The following DOP1B variants were observed in gnomAD, a reference collection of about 807,000 sequenced individuals.
DOP1B encodes protein DOP1B.
Under a neutral mutation model 233.5 loss-of-function variants are expected in DOP1B, and 174 were observed. The observed-to-expected ratio is 0.75, with a 90% CI of 0.66 to 0.85. DOP1B has a LOEUF of 0.85. Ranked by LOEUF, DOP1B falls within the 40% of genes least tolerant of loss-of-function variation. The pLI is 0.00. For missense variants in DOP1B, 2,652 were observed against 2,846.6 expected, an observed-to-expected ratio of 0.93 and a Z score of 1.56; for synonymous variants, 1,190 against 1,185.6, an observed-to-expected ratio of 1.00 and a Z score of -0.08.
intron 35 of DOP1B, among the ~76,000 whole-genome samples, chr21:36,291,618 A>G (rs2067560782): frequency 6.6e-6 from 1 of 152,196 alleles, no homozygotes. Flanking sequence ...TATTTATAAT[A>G]GGCAAGAAGT....
intron 1 of DOP1B, among the ~76,000 whole-genome samples, chr21:36,161,417 A>G (rs2065868451): frequency 6.6e-6 from 1 of 152,112 alleles, no homozygotes; most frequent in Non-Finnish European, 1.5e-5. Flanking sequence ...GATTATAGGC[A>G]TGGGCCACTG....
At chr21:36,199,553 AT>A (rs2066335343) in intron 3 of DOP1B, among the ~76,000 whole-genome samples, 1 of 151,908 alleles carries the variant, frequency 6.6e-6, no homozygotes, top group South Asian at 2.1e-4. Context: ...CGTCATTTAC[AT>A]TAGGTGTATC....
In DOP1B at chr21:36,245,461, C is replaced by T. The variant is rs137971169; in HGVS notation, c.3481C>T (p.Leu1161=). 2,088 of 1,613,916 alleles carry T rather than the reference C, an allele frequency of 1.3e-3. 24 individuals carry two copies. The African/African-American group carries it at 0.025, about 19-fold the overall frequency. The change falls in exon 19 of 37, where the codon CTG becomes TTG. Residue 1161 remains leucine, a synonymous_variant. Transcript: ENST00000691173. This position sits in a 1 kb window ranked among gnomAD's most constrained non-coding sequence, Gnocchi z 5.5. ...GGRAYPKRSA[L]LAAFQSESFK... is the part of the protein sequence containing the mutation. The stretch of plus-strand genomic sequence containing the variant: ...CAGGGCGTACCCCAAGCGCTCGGCC[C>T]TGCTGGCGGCCTTCCAGTCAGAAAG...
intron 2 of DOP1B, 56 bp from the exon 3 acceptor site, chr21:36,199,014 C>T: frequency 2.6e-6 from 4 of 1,565,460 alleles, no homozygotes; most frequent in Non-Finnish European, 2.6e-6. Context: ...GATCCACTCT[C>T]CATTGTAAAT....
rs747382359 is a variant in DOP1B at position 36,246,241 on chromosome 21, G to A, written c.4261G>A (p.Glu1421Lys). 1 of 1,613,906 alleles carries A rather than the reference G, an allele frequency of 6.2e-7. No homozygotes were observed. The highest frequency in any genetic ancestry group is 1.3e-5 in the African/African-American group (1 of 75,062). The change falls in exon 19 of 37, where the codon GAG becomes AAG. Residue 1421 changes from glutamate to lysine, a missense_variant. Around this residue, in one of 3 missense-constraint regions of DOP1B, gnomAD observed 2,617 missense variants for 2,794.3 expected, o/e 0.94. Coordinates refer to ENST00000691173, the MANE Select transcript of DOP1B (RefSeq NM_001320714.2). This position sits in a 1 kb window ranked among gnomAD's most constrained non-coding sequence, Gnocchi z 5.1. ...CCTGCCAGAGGACAGCCTCTTTGAGGAGAGTCTCATTAACTTGGGTCAGGA... is the reference window on the plus strand; with the variant it reads ...CCTGCCAGAGGACAGCCTCTTTGAGAAGAGTCTCATTAACTTGGGTCAGGA... Reference protein sequence around the residue: ...RALPEDSLFEESLINLGQDQI... With the variant: ...RALPEDSLFEKSLINLGQDQI...
Position 36,293,495 on chromosome 21 carries a change from T to A in DOP1B, c.6821T>A (p.Val2274Asp), listed in dbSNP as rs1322065442. The change falls in exon 37 of 37, where the codon GTC becomes GAC. Residue 2274 changes from valine (V) to aspartate (D), a missense_variant. This residue lies in a region of DOP1B where 31 missense variants were observed against 34.2 expected (regional missense o/e 0.91). Transcript: ENST00000691173. ...SPGTPFLDFPVTDSPRILKQL... is the reference protein window; with the variant it reads ...SPGTPFLDFPDTDSPRILKQL... ...GGAACTCCATTCTTGGACTTTCCTG[T>A]CACAGATAGCCCAAGGATCTTAAAA... 1.9e-6 allele frequency: 3 copies of A among 1,614,094 alleles called. No individual in the cohort carries two copies. Among genetic ancestry groups the A allele is most frequent in the East Asian group, 2.2e-5 (1 of 44,880 alleles).
chr21:36,248,349 G>A (rs2066992704), intron 20 of DOP1B, 31 bp from the exon 21 acceptor site: 2 of 1,607,922 alleles, frequency 1.2e-6, no homozygotes, highest in South Asian at 1.1e-5. Flanking sequence ...CACAGACACA[G>A]CCTGCCTCAT....
chr21:36,186,909 T>C (rs894017269), intron 2 of DOP1B, among the ~76,000 whole-genome samples: 10 of 152,096 alleles, frequency 6.6e-5, no homozygotes, highest in African/African-American at 2.4e-4. Context: ...GACCCAGGCC[T>C]GCCACTCAGA....
chr21:36,234,854 A>G (rs1188533461), intron 15 of DOP1B, among the ~76,000 whole-genome samples: 1 of 137,880 alleles, frequency 7.3e-6, no homozygotes, highest in Non-Finnish European at 1.5e-5. Context: ...TACTTTTTTT[A>G]TTGACATGTA....
intron 15 of DOP1B, among the ~76,000 whole-genome samples, chr21:36,236,311 G>A (rs904562616): frequency 3.3e-5 from 5 of 152,230 alleles, no homozygotes; most frequent in Admixed American, 6.5e-5. Context: ...TGGAGGACAC[G>A]ATTTGGGGGT....
At chr21:36,165,157 GA>G (rs1274329996) in intron 2 of DOP1B, among the ~76,000 whole-genome samples, 2 of 152,044 alleles carry the variant, frequency 1.3e-5, no homozygotes, top group Non-Finnish European at 2.9e-5. Context: ...AGCTTTTTCT[GA>G]GCATAAAAAT....
chr21:36,254,616 C>T (rs1172306123), intron 23 of DOP1B, among the ~76,000 whole-genome samples: 1 of 152,146 alleles, frequency 6.6e-6, no homozygotes, highest in Admixed American at 6.5e-5. Context: ...CTCCCAGGTC[C>T]TTGAGAAACA....
chr21:36,266,239 C>T (rs375462026), intron 26 of DOP1B, among the ~76,000 whole-genome samples: 2 of 152,150 alleles, frequency 1.3e-5, no homozygotes, highest in Non-Finnish European at 2.9e-5. Flanking sequence ...TGCAATGGCA[C>T]GATCTCAGCT....
At chr21:36,274,413 AG>A (rs2146239341) in intron 27 of DOP1B, among the ~76,000 whole-genome samples, 1 of 152,344 alleles carries the variant, frequency 6.6e-6, no homozygotes, top group African/African-American at 2.4e-5. Context: ...CAATTTACCA[AG>A]GTGGAAAAAA....
intron 4 of DOP1B, among the ~76,000 whole-genome samples, chr21:36,204,031 C>G (rs2066401144): frequency 6.6e-6 from 1 of 152,208 alleles, no homozygotes; most frequent in African/African-American, 2.4e-5. Flanking sequence ...CAACAACTAG[C>G]TCACCAGATA....
At chr21:36,203,189 C>T (rs1203148028) in intron 4 of DOP1B, among the ~76,000 whole-genome samples, 1 of 152,128 alleles carries the variant, frequency 6.6e-6, no homozygotes, top group Non-Finnish European at 1.5e-5. Context: ...CCAAGTAAAG[C>T]TTCATGAATC....
At chr21:36,276,974 G>A (rs768479014) in intron 27 of DOP1B, 47 bp from the exon 28 acceptor site, 10 of 1,595,798 alleles carry the variant, frequency 6.3e-6, no homozygotes, top group Non-Finnish European at 8.6e-6. Context: ...AGTAAATGGT[G>A]ACCCATCCAT....
chr21:36,204,216 C>T (rs1037111986), intron 4 of DOP1B, among the ~76,000 whole-genome samples: 3 of 152,024 alleles, frequency 2.0e-5, no homozygotes, highest in East Asian at 1.9e-4. Flanking sequence ...ACAGGTGCCC[C>T]GACAACAAAG....
chr21:36,282,795 G>T (rs2067433056), intron 32 of DOP1B, among the ~76,000 whole-genome samples: 1 of 152,040 alleles, frequency 6.6e-6, no homozygotes, highest in Admixed American at 6.6e-5. Context: ...GCCCAATGTG[G>T]TAAAACCCCA....
Sources: gnomAD v4.1 joint callset for allele counts (sites outside exome capture counted in the v4.1 genomes callset) on GRCh38, gnomAD v4.1.1 for gene constraint, gnomAD v4.1.1 regional missense constraint, Gnocchi (gnomAD v3.1) non-coding constraint, MANE v1.5 for transcripts, NCBI Gene and HGNC (gene_info 2026-07-23, HGNC 2026-07-21) for gene names.